FGF13: variants seen among roughly 807,000 people sequenced by gnomAD.
FGF13 encodes fibroblast growth factor 13.
FGF13 carries 2 observed loss-of-function variants against 19.5 expected under a neutral mutation model. The observed-to-expected ratio is 0.10, with a 90% confidence interval of 0.04 to 0.32. FGF13 has a LOEUF of 0.32. Among genes scored for constraint, FGF13 ranks in the 10% least tolerant of loss-of-function variants. The probability of loss-of-function intolerance (pLI) is 1.00; values close to 1 mark genes in which losing one functional copy is unlikely to be tolerated. For synonymous variants in FGF13, 72 were observed against 76.9 expected (o/e 0.94, Z 0.33); for missense variants, 113 against 192.7 (o/e 0.59, Z 2.45).
At chrX:139,118,824 C>A (rs755707197) in intron 1 of FGF13, among the ~76,000 whole-genome samples, 2 of 110,648 alleles carry the variant, frequency 1.8e-5, no homozygotes, top group African/African-American at 6.6e-5. Context: ...AAGTTCAAAA[C>A]CAGCCTGGGC....
At chrX:138,756,029 C>T (rs759149455) in intron 3 of FGF13, among the ~76,000 whole-genome samples, 96 of 111,788 alleles carry the variant, frequency 8.6e-4, no homozygotes, top group African/African-American at 3.0e-3. Context: ...CACAAAGAAA[C>T]GTCTGTCTGA....
intron 1 of FGF13, among the ~76,000 whole-genome samples, chrX:138,727,635 A>G (rs2090195479): frequency 9.0e-6 from 1 of 111,607 alleles, no homozygotes; most frequent in Non-Finnish European, 1.9e-5. Context: ...AATACATAGG[A>G]TATCAATGTG....
At chrX:138,960,988 C>T (rs939962625) in intron 1 of FGF13, among the ~76,000 whole-genome samples, 7 of 111,196 alleles carry the variant, frequency 6.3e-5, no homozygotes, top group African/African-American at 1.3e-4. Flanking sequence ...TTGTTATTAC[C>T]GATCTTCTGA....
At chrX:139,122,868 G>C (rs2083687767) in intron 1 of FGF13, among the ~76,000 whole-genome samples, 2 of 111,281 alleles carry the variant, frequency 1.8e-5, no homozygotes. Context: ...CTCTAGGGTA[G>C]GTTTGTCTAA....
chrX:138,789,039 C>A (rs1433569669), intron 3 of FGF13, among the ~76,000 whole-genome samples: 1 of 112,115 alleles, frequency 8.9e-6, no homozygotes, highest in Non-Finnish European at 1.9e-5. Flanking sequence ...TTCTTTGCAA[C>A]TTCATAAAAA....
chrX:138,656,952 G>A (rs1030913024), intron 3 of FGF13, among the ~76,000 whole-genome samples: 2 of 111,986 alleles, frequency 1.8e-5, no homozygotes, highest in Non-Finnish European at 3.8e-5. Context: ...ACATCATTAA[G>A]GCCTAACTTT....
chrX:139,172,415 C>T (rs2084141162), intron 1 of FGF13, among the ~76,000 whole-genome samples: 1 of 111,410 alleles, frequency 9.0e-6, no homozygotes, highest in African/African-American at 3.3e-5. Context: ...CAAACTCCTA[C>T]TCACATTGGC....
intron 3 of FGF13, among the ~76,000 whole-genome samples, chrX:138,823,988 T>A (rs1386371278): frequency 8.9e-6 from 1 of 111,939 alleles, no homozygotes; most frequent in East Asian, 2.8e-4. Flanking sequence ...AGCTCCTTTA[T>A]CTGAGCATAT....
chrX:138,651,804 TTGTC>T (rs1377873927), intron 3 of FGF13, among the ~76,000 whole-genome samples: 1 of 112,268 alleles, frequency 8.9e-6, no homozygotes, highest in Non-Finnish European at 1.9e-5. Flanking sequence ...GGTTCATTCT[TTGTC>T]TGTGGAACAA....
At chrX:138,807,621 A>G (rs745326857) in intron 3 of FGF13, among the ~76,000 whole-genome samples, 4 of 112,144 alleles carry the variant, frequency 3.6e-5, no homozygotes, top group African/African-American at 1.3e-4. Context: ...AATGGGCTAA[A>G]TGCTCCAATT....
intron 3 of FGF13, among the ~76,000 whole-genome samples, chrX:138,845,215 T>C (rs1481195451): frequency 8.9e-6 from 1 of 111,784 alleles, no homozygotes; most frequent in Non-Finnish European, 1.9e-5. Context: ...CAAGTAGTTC[T>C]AAGTCTGCTT....
intron 1 of FGF13, among the ~76,000 whole-genome samples, chrX:139,037,655 A>G (rs1396348180): frequency 9.0e-6 from 1 of 111,622 alleles, no homozygotes; most frequent in Non-Finnish European, 1.9e-5. Context: ...CTCTGCATCC[A>G]TGGGCACATC....
rs2090122587 is a variant in FGF13 at position 138,718,136 on chromosome X, T to C, written c.29-9208A>G. ...TCTCTAAGTGAATTTGATTCTGTTT[T>C]ACTCAATAATATTTGAAGATCTTGA... On this transcript the variant is annotated intron_variant, in intron 1 of 4. Transcript: ENST00000305414. Among the ~76,000 whole-genome samples the C allele has an allele frequency of 1.8e-5, 2 of 112,640 alleles. 1 individual carries two copies. The highest frequency in any genetic ancestry group is 5.6e-4 in the East Asian group (2 of 3,588).
At position 138,797,237 on chromosome X, in the gene FGF13, G is replaced by A. The variant is rs754611830; in HGVS notation, c.217+60275C>T. Among the ~76,000 whole-genome samples, 9 of 111,580 alleles carry A rather than the reference G, an allele frequency of 8.1e-5. No homozygotes were observed. In the South Asian group the frequency reaches 3.0e-3, roughly 38 times the overall value. On this transcript the variant is annotated intron_variant, in intron 3 of 6. Transcript: ENST00000436198. ...CATCTTGAGCCAATTTTTGTATAAG[G>A]TGTAAGAAAGGAATCCACTTTCTGT...
intron 3 of FGF13, among the ~76,000 whole-genome samples, chrX:138,839,457 T>G (rs2124105473): frequency 9.0e-6 from 1 of 111,656 alleles, no homozygotes; most frequent in South Asian, 3.8e-4. Context: ...AGGGCGAGGT[T>G]ATGGTTTGTG....
At chrX:138,796,141 T>A (rs752560544) in intron 3 of FGF13, among the ~76,000 whole-genome samples, 1 of 110,483 alleles carries the variant, frequency 9.1e-6, no homozygotes, top group South Asian at 4.0e-4. Flanking sequence ...GCCATGGTGG[T>A]TTGCTGCACC....
chrX:138,656,891 T>A (rs1012415826), intron 3 of FGF13, among the ~76,000 whole-genome samples: 1 of 112,264 alleles, frequency 8.9e-6, no homozygotes, highest in Non-Finnish European at 1.9e-5. Context: ...TTGTGAGGCA[T>A]CTTAACCAGG....
intron 1 of FGF13, among the ~76,000 whole-genome samples, chrX:138,924,272 T>C (rs1026534926): frequency 8.9e-6 from 1 of 111,780 alleles, no homozygotes. Context: ...TTTTTCTCCA[T>C]CTCTCAGCTT....
At chrX:138,838,924 T>C (rs1471521304) in intron 3 of FGF13, among the ~76,000 whole-genome samples, 1 of 111,695 alleles carries the variant, frequency 9.0e-6, no homozygotes, top group Non-Finnish European at 1.9e-5. Flanking sequence ...ATGTGAGAAA[T>C]ACATGAATTT....
Sources: gnomAD v4.1 joint callset for allele counts (sites outside exome capture counted in the v4.1 genomes callset) on GRCh38, gnomAD v4.1.1 for gene constraint, MANE v1.5 for transcripts, NCBI Gene and HGNC (gene_info 2026-07-23, HGNC 2026-07-21) for gene names.